IL27RA: variants seen among roughly 807,000 people sequenced by gnomAD.
The protein encoded by IL27RA is interleukin 27 receptor subunit alpha, also known as interleukin-27 receptor subunit alpha.
Under a neutral mutation model 80.8 loss-of-function variants are expected in IL27RA, and 61 were observed. The observed-to-expected ratio is 0.76, with a 90% CI of 0.61 to 0.93. IL27RA has a LOEUF of 0.93. IL27RA is among the 40% of genes least tolerant of loss of function. IL27RA has a pLI of 0.00. For missense variants in IL27RA, 735 were observed against 808.1 expected (o/e 0.91, Z 1.10); for synonymous variants, 316 against 332.5 (o/e 0.95, Z 0.54).
At chr19:14,049,366 C>A (rs1490053015) in intron 10 of IL27RA, 52 bp downstream of exon 10, 8 of 1,575,550 alleles carry the variant, frequency 5.1e-6, no homozygotes, top group Non-Finnish European at 5.2e-6. Flanking sequence ...AAGACCCACC[C>A]ATCAGTCAGC....
At chr19:14,047,002 A>C (rs983184629) in intron 8 of IL27RA, among the ~76,000 whole-genome samples, 2 of 151,782 alleles carry the variant, frequency 1.3e-5, no homozygotes, top group Admixed American at 1.3e-4. Context: ...GTCTCAAAAA[A>C]TAAATAAATA....
At chr19:14,045,327 C>T (rs563412790) in intron 6 of IL27RA, among the ~76,000 whole-genome samples, 9 of 148,192 alleles carry the variant, frequency 6.1e-5, no homozygotes, top group Non-Finnish European at 1.2e-4. Flanking sequence ...TGGTGGCTCA[C>T]GCCTGTAATC....
At chr19:14,035,892 C>T (rs1169678075) in intron 2 of IL27RA, among the ~76,000 whole-genome samples, 1 of 151,826 alleles carries the variant, frequency 6.6e-6, no homozygotes, top group African/African-American at 2.4e-5. Flanking sequence ...GCCATTTTCC[C>T]TCCTCGGCCT....
At chr19:14,050,511 C>CAAAA (rs34034204) in intron 10 of IL27RA, among the ~76,000 whole-genome samples, 2 of 99,968 alleles carry the variant, frequency 2.0e-5, no homozygotes, top group African/African-American at 3.5e-5. Flanking sequence ...GACTTCATGT[C>CAAAA]AAAAAAAAAA....
At chr19:14,034,970 A>G (rs1425355269) in intron 2 of IL27RA, among the ~76,000 whole-genome samples, 2 of 138,842 alleles carry the variant, frequency 1.4e-5, no homozygotes, top group Non-Finnish European at 3.0e-5. Context: ...AAAAAAATTC[A>G]TACAACATAA....
chr19:14,046,959 T>C (rs752528796), intron 8 of IL27RA, among the ~76,000 whole-genome samples: 1 of 151,278 alleles, frequency 6.6e-6, no homozygotes, highest in African/African-American at 2.4e-5. Flanking sequence ...ATTGCGCCAC[T>C]GCACTCTAGC....
intron 2 of IL27RA, among the ~76,000 whole-genome samples, chr19:14,037,129 G>A (rs915226712): frequency 1.3e-5 from 2 of 152,126 alleles, no homozygotes; most frequent in East Asian, 3.9e-4. Context: ...CACCGTGCCC[G>A]GCCCCACATA....
intron 5 of IL27RA, 40 bp downstream of exon 5, chr19:14,042,652 C>G (rs1206674465): frequency 6.2e-7 from 1 of 1,613,888 alleles, no homozygotes; most frequent in Non-Finnish European, 8.5e-7. Context: ...ACGCCCCTCC[C>G]ACCCCCAGAA....
Position 14,049,224 on chromosome 19 carries a change from G to T in IL27RA, c.1312G>T (p.Gly438Ter). Residue 438 changes from glycine to a stop codon, truncating the protein, a stop_gained, in exon 10 of 14, where the codon GGA becomes TGA. Coordinates refer to ENST00000263379, the MANE Select transcript of IL27RA (RefSeq NM_004843.4). LOFTEE classifies it high-confidence loss of function. ...APPGTPAIAWGEVPRHQLRGH... is the reference protein window; with the variant it reads ...APPGTPAIAW ...TCCAGGGACCCCCGCCATAGCGTGG[G>T]GAGAGGTCCCAAGGCACCAGCTTCG... is the stretch of plus-strand genomic sequence containing the variant. The T allele has an allele frequency of 6.2e-7, 1 of 1,614,094 alleles. No homozygotes were observed. Among genetic ancestry groups the T allele is most frequent in the Non-Finnish European group, 8.5e-7 (1 of 1,180,004 alleles).
intron 6 of IL27RA, among the ~76,000 whole-genome samples, chr19:14,044,335 G>T (rs945893701): frequency 2.0e-5 from 3 of 151,844 alleles, no homozygotes; most frequent in African/African-American, 7.3e-5. Context: ...CGCCTCCTGG[G>T]TTCAAGCGAT....
chr19:14,051,508 C>T, intron 11 of IL27RA, 99 bp from the exon 12 acceptor site: 1 of 593,496 alleles, frequency 1.7e-6, no homozygotes. Flanking sequence ...CACCACTGCA[C>T]TCCAGCCTGG....
intron 2 of IL27RA, among the ~76,000 whole-genome samples, chr19:14,036,730 C>T (rs1445762592): frequency 2.6e-5 from 4 of 152,146 alleles, no homozygotes; most frequent in Non-Finnish European, 4.4e-5. Context: ...TCAAGTAATC[C>T]ACCCACCTCG....
intron 2 of IL27RA, among the ~76,000 whole-genome samples, chr19:14,038,398 C>G (rs1975935933): frequency 6.6e-6 from 1 of 151,590 alleles, no homozygotes; most frequent in South Asian, 2.1e-4. Context: ...GGCAACATAG[C>G]AAGACCCCAT....
Position 14,042,784 on chromosome 19 carries a change from TG to T in IL27RA, c.765del (p.Trp255Ter). On this transcript the variant is annotated frameshift_variant, in exon 6 of 14. Transcript: ENST00000263379. LOFTEE classifies it high-confidence loss of function. ...TGGAGGAGAGGAACCTTTGCTTCTA[TG>T]GAAGGTGAGCTTCAGGCACCAGTTA... is the stretch of plus-strand genomic sequence containing the variant. ...TPGGEEPLLLWKAPGPCVQVS... is the reference protein window; with the variant it reads ...TPGGEEPLLLXKAPGPCVQVS... The T allele has an allele frequency of 6.2e-7, 1 of 1,613,892 alleles. No homozygotes were observed. Among genetic ancestry groups the T allele is most frequent in the East Asian group, 2.2e-5 (1 of 44,880 alleles).
intron 2 of IL27RA, among the ~76,000 whole-genome samples, chr19:14,035,186 A>T (rs969469149): frequency 6.6e-6 from 1 of 151,836 alleles, no homozygotes; most frequent in African/African-American, 2.4e-5. Context: ...TAGTAGACAC[A>T]GGGTTTTACC....
chr19:14,041,403 T>C (rs1210480197), intron 4 of IL27RA, among the ~76,000 whole-genome samples: 4 of 134,666 alleles, frequency 3.0e-5, no homozygotes, highest in African/African-American at 1.1e-4. Flanking sequence ...GGTTTCGCTA[T>C]TTGGCCAGGC....
Position 14,039,633 on chromosome 19 carries a change from G to A in IL27RA, c.344G>A (p.Trp115Ter). The A allele has an allele frequency of 6.2e-7, 1 of 1,614,088 alleles. No individual in the cohort carries two copies. Among genetic ancestry groups the A allele is most frequent in the East Asian group, 2.2e-5 (1 of 44,880 alleles). The stretch of plus-strand genomic sequence containing the variant: ...GGCACTAAGGCAGGCCAGCCTCTCT[G>A]GCCCCCCGTCTTCGTGAACCTAGAA... The part of the protein sequence containing the change: ...VWGTKAGQPL[W>*]PPVFVNLETQ... The change falls in exon 3 of 14, where the codon TGG (tryptophan) becomes TAG (stop). Residue 115 changes from tryptophan to a stop codon, truncating the protein, a stop_gained. Transcript: ENST00000263379. LOFTEE classifies it high-confidence loss of function.
At chr19:14,039,116 C>A (rs1454423948) in intron 2 of IL27RA, among the ~76,000 whole-genome samples, 1 of 151,690 alleles carries the variant, frequency 6.6e-6, no homozygotes, top group Non-Finnish European at 1.5e-5. Flanking sequence ...GAAACCCCAT[C>A]GCTACTAAAA....
rs1975965350 is a variant in IL27RA, at chr19:14,039,877, C to T, written c.501C>T (p.His167=). 6.2e-7 allele frequency: 1 copy of T among 1,614,164 alleles called. No homozygotes were observed. The highest frequency in any genetic ancestry group is 8.5e-7 in the Non-Finnish European group (1 of 1,180,022). ...ATAAAGTTCTGATCTGCCAGTTCCA[C>T]TACCGAAGATGTCAGGAGGCGGCCT... The part of the protein sequence containing the change: ...PSHKVLICQF[H]YRRCQEAAWT... The change falls in exon 4 of 14, where the codon CAC becomes CAT. Residue 167 remains histidine (H), a synonymous_variant. Coordinates refer to ENST00000263379, the MANE Select transcript of IL27RA (RefSeq NM_004843.4).
Sources: gnomAD v4.1 joint callset for allele counts (sites outside exome capture counted in the v4.1 genomes callset) on GRCh38, gnomAD v4.1.1 for gene constraint, MANE v1.5 for transcripts, NCBI Gene and HGNC (gene_info 2026-07-23, HGNC 2026-07-21) for gene names.